NHSL1: variants seen among roughly 807,000 people sequenced by gnomAD.
The protein encoded by NHSL1 is NHS like 1.
In NHSL1, 48 loss-of-function variants were observed where a neutral mutation model predicts 95.0. That is an observed-to-expected ratio of 0.51 (90% confidence interval 0.40 to 0.64). NHSL1 has a LOEUF of 0.64. NHSL1 is among the 30% of genes least tolerant of loss of function. The pLI is 0.00. For synonymous variants in NHSL1, 783 were observed against 833.9 expected, an observed-to-expected ratio of 0.94 and a Z score of 1.05; for missense variants, 1,971 against 2,077.7, an observed-to-expected ratio of 0.95 and a Z score of 1.00.
chr6:138,529,435 G>C (rs1324085262), intron 1 of NHSL1, among the ~76,000 whole-genome samples: 1 of 152,140 alleles, frequency 6.6e-6, no homozygotes, highest in Admixed American at 6.5e-5. Context: ...CCTCGGATGA[G>C]AGCCATGTTA....
intron 1 of NHSL1, among the ~76,000 whole-genome samples, chr6:138,561,876 T>C (rs1324997251): frequency 6.6e-6 from 1 of 152,128 alleles, no homozygotes; most frequent in Admixed American, 6.5e-5. Context: ...AGCCTAAATA[T>C]CCAAAGCAAG....
intron 1 of NHSL1, among the ~76,000 whole-genome samples, chr6:138,523,782 C>T (rs1383518550): frequency 6.6e-6 from 1 of 152,156 alleles, no homozygotes; most frequent in Non-Finnish European, 1.5e-5. Flanking sequence ...TGTGACATCT[C>T]CTTTGAATGG....
At chr6:138,646,468 G>A (rs1184197960) in intron 1 of NHSL1, among the ~76,000 whole-genome samples, 2 of 151,864 alleles carry the variant, frequency 1.3e-5, no homozygotes, top group Non-Finnish European at 2.9e-5. Context: ...CAGCACTCCT[G>A]CCTGAGCGGC....
intron 1 of NHSL1, among the ~76,000 whole-genome samples, chr6:138,603,787 A>C (rs969143616): frequency 2.1e-4 from 32 of 152,220 alleles, no homozygotes; most frequent in African/African-American, 7.5e-4. Context: ...TTGCAGGGCA[A>C]TGTAATTTGA....
At position 138,513,988 on chromosome 6, in the gene NHSL1, C is replaced by G. The variant is rs146261129; in HGVS notation, c.17-17617G>C. On this transcript the variant is annotated intron_variant, in intron 1 of 4. Transcript: ENST00000342260. ...TATTAAATGAATGAATTTAATACAGCAGGAAAAGAAATAGTTTACATTACC... is the reference window on the plus strand; with the variant it reads ...TATTAAATGAATGAATTTAATACAGGAGGAAAAGAAATAGTTTACATTACC... 4.1e-3 allele frequency among the ~76,000 whole-genome samples: 614 copies of G among 150,786 alleles called. 3 individuals are homozygous for G. Among genetic ancestry groups the G allele is most frequent in the South Asian group, 0.016 (75 of 4,822 alleles).
At chr6:138,616,488 G>T (rs72975297) in intron 1 of NHSL1, among the ~76,000 whole-genome samples, 1 of 152,016 alleles carries the variant, frequency 6.6e-6, no homozygotes, top group Non-Finnish European at 1.5e-5. Flanking sequence ...ATAGAGAAAG[G>T]GGGAGGAAGA....
upstream of NHSL1, chr6:138,692,613 G>C (rs928513233): frequency 5.6e-5 from 10 of 177,638 alleles, no homozygotes; most frequent in African/African-American, 7.2e-5. This position sits in a 1 kb window ranked among gnomAD's most constrained non-coding sequence, Gnocchi z 4.0. Context: ...GGCGCAGCGC[G>C]ACAGGTCGGC....
chr6:138,513,364 A>T (rs894274669), intron 1 of NHSL1, among the ~76,000 whole-genome samples: 7 of 152,184 alleles, frequency 4.6e-5, no homozygotes, highest in African/African-American at 1.7e-4. Flanking sequence ...TTTATTCATG[A>T]ATGTAAGTAA....
At chr6:138,593,906 A>G (rs918956072) in intron 1 of NHSL1, among the ~76,000 whole-genome samples, 3 of 152,220 alleles carry the variant, frequency 2.0e-5, no homozygotes, top group African/African-American at 7.2e-5. Flanking sequence ...TGCTGAATCA[A>G]AAAGTGACTT....
At chr6:138,465,054 C>CAAAAAAAAAAAAAAA in intron 3 of NHSL1, among the ~76,000 whole-genome samples, 1 of 100,988 alleles carries the variant, frequency 9.9e-6, no homozygotes. Flanking sequence ...TGTATGCCTT[C>CAAAAAAAAAAAAAAA]AAAAAAAAAA....
chr6:138,437,274 C>CAA (rs1202748920), intron 5 of NHSL1, among the ~76,000 whole-genome samples: 1 of 111,224 alleles, frequency 9.0e-6, no homozygotes, highest in African/African-American at 3.4e-5. Flanking sequence ...AACTCTGTCT[C>CAA]AAAAAAAAAA....
chr6:138,511,561 A>G (rs1781231062), intron 1 of NHSL1, among the ~76,000 whole-genome samples: 1 of 152,140 alleles, frequency 6.6e-6, no homozygotes, highest in Non-Finnish European at 1.5e-5. Flanking sequence ...TGCTGGGATT[A>G]CAGGCATGAG....
intron 1 of NHSL1, among the ~76,000 whole-genome samples, chr6:138,506,975 C>T (rs965959613): frequency 3.3e-5 from 5 of 152,192 alleles, no homozygotes; most frequent in African/African-American, 1.2e-4. Flanking sequence ...CCTTAAGAAT[C>T]AATCTCTAAT....
At chr6:138,643,827 A>T (rs2114690186) in intron 1 of NHSL1, among the ~76,000 whole-genome samples, 1 of 151,998 alleles carries the variant, frequency 6.6e-6, no homozygotes, top group African/African-American at 2.4e-5. Flanking sequence ...GGTGAAACCC[A>T]TCTCTACTAA....
At chr6:138,683,491 C>T (rs945411791) in intron 1 of NHSL1, among the ~76,000 whole-genome samples, 1 of 152,144 alleles carries the variant, frequency 6.6e-6, no homozygotes, top group Non-Finnish European at 1.5e-5. Flanking sequence ...ACTTTTGATG[C>T]GTGTCTCAAA....
chr6:138,607,448 C>G (rs1310398991), intron 1 of NHSL1, among the ~76,000 whole-genome samples: 1 of 152,144 alleles, frequency 6.6e-6, no homozygotes, highest in East Asian at 1.9e-4. Flanking sequence ...AAAAAGCAAA[C>G]AAAGAATATT....
At chr6:138,680,102 T>C (rs1447332813) in intron 1 of NHSL1, among the ~76,000 whole-genome samples, 3 of 152,234 alleles carry the variant, frequency 2.0e-5, no homozygotes, top group East Asian at 1.9e-4. Flanking sequence ...TGAAAACTTG[T>C]TGATGTATTT....
upstream of NHSL1, among the ~76,000 whole-genome samples, chr6:138,576,340 G>T (rs1783972023): frequency 1.3e-5 from 2 of 152,098 alleles, no homozygotes; most frequent in South Asian, 4.1e-4. Context: ...AATAACTTCA[G>T]CTATAATCTT....
chr6:138,642,297 AT>A (rs1784969310), intron 1 of NHSL1, among the ~76,000 whole-genome samples: 1 of 152,218 alleles, frequency 6.6e-6, no homozygotes, highest in Non-Finnish European at 1.5e-5. Context: ...ACATTCTCTA[AT>A]TAATTTGCAA....
Sources: gnomAD v4.1 joint callset for allele counts (sites outside exome capture counted in the v4.1 genomes callset) on GRCh38, gnomAD v4.1.1 for gene constraint, Gnocchi (gnomAD v3.1) non-coding constraint, MANE v1.5 for transcripts, NCBI Gene and HGNC (gene_info 2026-07-23, HGNC 2026-07-21) for gene names.